FHIT: variants seen among roughly 807,000 people sequenced by gnomAD.
FHIT encodes the protein bis(5'-adenosyl)-triphosphatase.
FHIT carries 19 observed loss-of-function variants against 17.9 expected under a neutral mutation model. The ratio of observed to expected loss-of-function variants is 1.06; its 90% confidence interval spans 0.74 to 1.56. The LOEUF (loss-of-function observed/expected upper bound fraction) is 1.56. Ranked by LOEUF, FHIT falls within the 40% of genes most tolerant of loss-of-function variation. The pLI is 0.00. For missense variants in FHIT, 248 were observed against 189.2 expected, an observed-to-expected ratio of 1.31 and a Z score of -1.82; for synonymous variants, 81 against 69.7, an observed-to-expected ratio of 1.16 and a Z score of -0.81.
chr3:60,849,664 G>A (rs1326581531), intron 3 of FHIT, among the ~76,000 whole-genome samples: 2 of 151,886 alleles, frequency 1.3e-5, no homozygotes, highest in East Asian at 1.9e-4. Flanking sequence ...AAACAGACCT[G>A]CTTCTAAATG....
At position 60,011,162 on chromosome 3, in the gene FHIT, A is replaced by G. The variant is rs1262551987; in HGVS notation, c.279+209T>C. On this transcript the variant is annotated intron_variant, in intron 7 of 9. Transcript: ENST00000492590. ...GCGTTTGCACAATAATAATTTTACT[A>G]CTAAAAGTAAATGTCTTGTAAACCA... Among the ~76,000 whole-genome samples, 3 of 146,196 alleles carry G rather than the reference A, an allele frequency of 2.1e-5. No homozygotes were observed. The Admixed American group carries it at 2.1e-4, about 10-fold the overall frequency.
intron 5 of FHIT, among the ~76,000 whole-genome samples, chr3:60,091,635 G>A (rs1225865755): frequency 6.6e-6 from 1 of 152,182 alleles, no homozygotes; most frequent in Non-Finnish European, 1.5e-5. Flanking sequence ...CACGGTGAGA[G>A]GTGATTTGAT....
In FHIT at chr3:60,224,864, G is replaced by A. The variant is rs565786395; in HGVS notation, c.104-210712C>T. On this transcript the variant is annotated intron_variant, in intron 5 of 9. Transcript: ENST00000492590. ...GCCTCTTGAATAGCTGGGATTACAG[G>A]CATGCACCACCATGCCTGGCTAATT... Among the ~76,000 whole-genome samples the A allele has an allele frequency of 1.9e-4, 29 of 152,042 alleles. 1 individual carries two copies. The South Asian group carries it at 4.2e-3, about 22-fold the overall frequency.
chr3:59,902,513 T>C (rs1343515832), intron 8 of FHIT, among the ~76,000 whole-genome samples: 2 of 152,016 alleles, frequency 1.3e-5, no homozygotes, highest in African/African-American at 2.4e-5. Context: ...CGTAGCATTA[T>C]TCAAAACCAC....
intron 5 of FHIT, among the ~76,000 whole-genome samples, chr3:60,020,846 C>T (rs1700527838): frequency 6.6e-6 from 1 of 152,172 alleles, no homozygotes; most frequent in African/African-American, 2.4e-5. Flanking sequence ...TAGGCGGCAT[C>T]TCAAAAAGTA....
At chr3:60,145,926 T>C (rs1700220131) in intron 5 of FHIT, among the ~76,000 whole-genome samples, 1 of 152,198 alleles carries the variant, frequency 6.6e-6, no homozygotes, top group Non-Finnish European at 1.5e-5. Flanking sequence ...TTATAAACCA[T>C]CAAAAGTTCT....
At chr3:60,517,611 A>T (rs1310170165) in intron 5 of FHIT, among the ~76,000 whole-genome samples, 1 of 152,240 alleles carries the variant, frequency 6.6e-6, no homozygotes, top group East Asian at 1.9e-4. Context: ...AAGAAATTAC[A>T]ATATTGCAGA....
At chr3:59,809,780 C>G (rs1477435344) in intron 8 of FHIT, among the ~76,000 whole-genome samples, 3 of 152,182 alleles carry the variant, frequency 2.0e-5, no homozygotes, top group African/African-American at 4.8e-5. Flanking sequence ...ACCTGTGCCT[C>G]TCCTTTGAGG....
At chr3:59,826,017 C>T (rs1466624909) in intron 8 of FHIT, among the ~76,000 whole-genome samples, 3 of 152,164 alleles carry the variant, frequency 2.0e-5, no homozygotes, top group African/African-American at 4.8e-5. Flanking sequence ...TATTATTCTG[C>T]CACAGTTTTA....
At chr3:60,154,007 T>G (rs1576212788) in intron 5 of FHIT, among the ~76,000 whole-genome samples, 1 of 152,314 alleles carries the variant, frequency 6.6e-6, no homozygotes, top group Admixed American at 6.5e-5. Flanking sequence ...TGTAATACTC[T>G]AAAGGAAACA....
intron 5 of FHIT, among the ~76,000 whole-genome samples, chr3:60,270,439 G>A (rs769514708): frequency 6.6e-6 from 1 of 152,140 alleles, no homozygotes. Flanking sequence ...CAGTCCATTT[G>A]CCTCAATAAC....
intron 2 of FHIT, among the ~76,000 whole-genome samples, chr3:61,128,970 A>G (rs942527670): frequency 3.9e-5 from 6 of 152,136 alleles, no homozygotes; most frequent in Non-Finnish European, 8.8e-5. Flanking sequence ...AGTAACTGTG[A>G]CCTACATAAA....
chr3:60,483,356 A>T lies in FHIT; in HGVS notation c.103+53504T>A, dbSNP rs112199237. Among the ~76,000 whole-genome samples, 330 of 152,228 alleles carry T rather than the reference A, an allele frequency of 2.2e-3. 2 individuals carry two copies. Among genetic ancestry groups the T allele is most frequent in the African/African-American group, 7.6e-3 (315 of 41,546 alleles). ...AAGCCAGCATCACCCTGATGCCAAA[A>T]CCAGGAGGAGACACAGTGAAAAAAG... On this transcript the variant is annotated intron_variant, in intron 5 of 9. Transcript: ENST00000492590.
At chr3:60,275,632 C>A (rs1576406004) in intron 5 of FHIT, among the ~76,000 whole-genome samples, 1 of 152,058 alleles carries the variant, frequency 6.6e-6, no homozygotes, top group African/African-American at 2.4e-5. Flanking sequence ...ATGCCATACA[C>A]ACACACACAC....
chr3:60,553,360 C>G (rs1431062334), intron 4 of FHIT: 1 of 975,890 alleles, frequency 1.0e-6, no homozygotes, highest in African/African-American at 1.8e-5. Context: ...TGTGTTTTTA[C>G]GTAATGTGAA....
chr3:59,853,467 ATATT>A, intron 8 of FHIT, among the ~76,000 whole-genome samples: 1 of 152,322 alleles, frequency 6.6e-6, no homozygotes, highest in Non-Finnish European at 1.5e-5. Context: ...TATGAATAAT[ATATT>A]TAAATTATAC....
chr3:61,198,534 T>TGG (rs147622327), intron 2 of FHIT, among the ~76,000 whole-genome samples: 23 of 151,382 alleles, frequency 1.5e-4, no homozygotes, highest in East Asian at 3.9e-4. Flanking sequence ...AAAAAATTGG[T>TGG]GGGGGGGTTC....
chr3:59,935,331 T>C (rs190907967), intron 7 of FHIT, among the ~76,000 whole-genome samples: 1 of 152,302 alleles, frequency 6.6e-6, no homozygotes, highest in African/African-American at 2.4e-5. Context: ...GAAAAAATTA[T>C]AAGTGTTCTT....
chr3:60,117,618 G>A (rs1350655241), intron 5 of FHIT, among the ~76,000 whole-genome samples: 5 of 151,676 alleles, frequency 3.3e-5, no homozygotes, highest in South Asian at 4.2e-4. Context: ...TGGTTAAGTC[G>A]TGCCTTTTTT....
Sources: allele counts gnomAD v4.1 joint callset (sites outside exome capture counted in the v4.1 genomes callset), GRCh38; gene constraint gnomAD v4.1.1; transcripts MANE v1.5; gene names NCBI Gene and HGNC (gene_info 2026-07-23, HGNC 2026-07-21).